PHRF1: variants seen among roughly 807,000 people sequenced by gnomAD.
PHRF1 encodes the protein PHD and RING finger domain-containing protein 1.
A neutral mutation model predicts 128.9 loss-of-function variants in PHRF1; 53 were observed. The ratio of observed to expected loss-of-function variants is 0.41; its 90% CI spans 0.33 to 0.52. The LOEUF (loss-of-function observed/expected upper bound fraction) is 0.52. Ranked by LOEUF, PHRF1 falls within the 20% of genes least tolerant of loss-of-function variation. The pLI, the probability that PHRF1 is intolerant of heterozygous loss-of-function variation, is 0.21. For synonymous variants in PHRF1, 1,178 were observed against 980.6 expected (o/e 1.20, Z -3.76); for missense variants, 2,503 against 2,284.5 (o/e 1.10, Z -1.95).
chr11:579,243 C>T (rs553940916), intron 1 of PHRF1, among the ~76,000 whole-genome samples: 1 of 151,638 alleles, frequency 6.6e-6, no homozygotes, highest in African/African-American at 2.4e-5. Context: ...CTCCTCCCCC[C>T]AGCCCTGCTC....
intron 10 of PHRF1, 97 bp from the exon 11 acceptor site, chr11:605,022 C>A: frequency 8.0e-7 from 1 of 1,251,052 alleles, no homozygotes; most frequent in East Asian, 2.6e-5. Context: ...CTCTAGTGTT[C>A]ACTGTTGCTG....
chr11:609,814 C>G, intron 14 of PHRF1, 94 bp downstream of exon 14: 3 of 786,758 alleles, frequency 3.8e-6, no homozygotes, highest in African/African-American at 2.5e-5. Flanking sequence ...AGTAAGGCCC[C>G]GGCCTCCACC....
intron 1 of PHRF1, among the ~76,000 whole-genome samples, chr11:579,959 A>G (rs1214085460): frequency 2.6e-5 from 4 of 152,176 alleles, no homozygotes; most frequent in African/African-American, 9.7e-5. Flanking sequence ...GCTGACAGCC[A>G]CTTTCCCCCG....
In PHRF1 at chr11:597,654, C is replaced by T. The variant is rs970309436; in HGVS notation, c.894+84C>T. ...CAGTCTGGGTGGGTGGGAGGGGCGT[C>T]GTCGGCACTGTGGGGTCCGCCCGGC... On this transcript the variant is annotated intron_variant, in intron 8 of 17. Transcript: ENST00000264555. This position sits in a 1 kb window ranked among gnomAD's most constrained non-coding sequence, Gnocchi z 6.5. 4.1e-5 allele frequency: 60 copies of T among 1,480,436 alleles called. No homozygotes were observed. The highest frequency in any genetic ancestry group is 4.4e-5 in the Non-Finnish European group (48 of 1,100,998). 91.7% of individuals were successfully genotyped at this position (1,480,436 alleles called of 1,614,324 possible). A position where few individuals can be genotyped will look rare whatever the true frequency, so the allele number is the denominator to read the frequency against.
chr11:581,840 T>C (rs1854222818), intron 2 of PHRF1, 122 bp from the exon 3 acceptor site: 3 of 1,393,218 alleles, frequency 2.2e-6, no homozygotes, highest in South Asian at 1.5e-5. Flanking sequence ...TTGCCGGCCC[T>C]GGGGAAGCCG....
rs777272584 is a variant in PHRF1, at chr11:587,330, G to C, written c.286G>C (p.Ala96Pro). 10 of 1,613,730 alleles carry C rather than the reference G, an allele frequency of 6.2e-6. No homozygotes were observed. The African/African-American group carries it at 1.1e-4, about 17-fold the overall frequency. The change falls in exon 4 of 18, where the codon GCT becomes CCT. Residue 96 changes from alanine (A) to proline (P), a missense_variant. Transcript: ENST00000264555. ...VAGTQGKLEA[A>P]GSFNSDDDAE... ...GGGTACTCAGGGGAAACTGGAAGCCGCTGGCTCTTTCAATTCTGATGATGA... is the reference window on the plus strand; with the variant it reads ...GGGTACTCAGGGGAAACTGGAAGCCCCTGGCTCTTTCAATTCTGATGATGA...
In PHRF1 at chr11:607,358, C is replaced by T. The variant is rs760535659; in HGVS notation, c.1902C>T (p.Gly634=). ...FRQSHSPWFN[G]TNKHTLPLAS... is the part of the protein sequence containing the mutation. ...AGAGCCACAGCCCCTGGTTCAACGG[C>T]ACCAACAAGCACACCTTGCCCCTTG... The change falls in exon 14 of 18, where the codon GGC becomes GGT. Residue 634 remains glycine, a synonymous_variant. Coordinates refer to ENST00000264555, the MANE Select transcript of PHRF1 (RefSeq NM_001286581.2). 1 of 1,612,804 alleles carries T rather than the reference C, an allele frequency of 6.2e-7. No homozygotes were observed. Among genetic ancestry groups the T allele is most frequent in the Non-Finnish European group, 8.5e-7 (1 of 1,179,892 alleles).
At position 581,452 on chromosome 11, in the gene PHRF1, T is replaced by C. The variant is rs756203755; in HGVS notation, c.-21-40T>C. On this transcript the variant is annotated intron_variant, in intron 1 of 17. Coordinates refer to ENST00000264555, the MANE Select transcript of PHRF1 (RefSeq NM_001286581.2). ...ACTCTTCAGAGGGTTCTTTGCAGCC[T>C]GGGACAGTTTGGAAGTTGCTTGGCT... 209 of 1,584,520 alleles carry C rather than the reference T, an allele frequency of 1.3e-4. 1 individual carries two copies. Among genetic ancestry groups the C allele is most frequent in the Non-Finnish European group, 1.0e-4 (119 of 1,156,724 alleles).
rs868659308 is a variant in PHRF1, at chr11:602,761, G to T, written c.1152+1060G>T. 5.8e-4 allele frequency among the ~76,000 whole-genome samples: 79 copies of T among 137,204 alleles called. 2 individuals are homozygous for T. Among genetic ancestry groups the T allele is most frequent in the Middle Eastern group, 3.5e-3 (1 of 284 alleles). 90.0% of individuals were successfully genotyped at this position (137,204 alleles called of 152,430 possible). ...CTGAATCTTTTTTGGTTTTGTTTTT[G>T]TTTTTTTTGTTTTTTTTTTTGAGAT... On this transcript the variant is annotated intron_variant, in intron 10 of 17. Coordinates refer to ENST00000264555, the MANE Select transcript of PHRF1 (RefSeq NM_001286581.2).
intron 4 of PHRF1, among the ~76,000 whole-genome samples, chr11:591,000 G>T (rs1030765657): frequency 1.3e-5 from 2 of 152,190 alleles, no homozygotes; most frequent in Non-Finnish European, 2.9e-5. Flanking sequence ...CCTGCTCCCG[G>T]CCTATGAAAA....
rs1470835763 is a variant in PHRF1 at position 610,154 on chromosome 11, G to A, written c.4265-42G>A. 5 of 1,468,778 alleles carry A rather than the reference G, an allele frequency of 3.4e-6. No homozygotes were observed. In the African/African-American group the frequency reaches 4.3e-5, roughly 13 times the overall value. 91.0% of individuals were successfully genotyped at this position (1,468,778 alleles called of 1,614,324 possible). On this transcript the variant is annotated intron_variant, in intron 14 of 17. Coordinates refer to ENST00000264555, the MANE Select transcript of PHRF1 (RefSeq NM_001286581.2). ...CCATGAAACAGCATTCTGGGCAGGG[G>A]TGGGCACAGAGCACCCACCTCCCTG...
Position 609,373 on chromosome 11 carries a change from A to G in PHRF1, c.3917A>G (p.Lys1306Arg). 6.2e-7 allele frequency: 1 copy of G among 1,611,936 alleles called. No individual in the cohort carries two copies. Among genetic ancestry groups the G allele is most frequent in the South Asian group, 1.1e-5 (1 of 91,088 alleles). ...TCCCCGGAGCGAGACTTCCCACTGA[A>G]GCCTGCGTTGCCCCCAGCCAGCCTG... Reference protein sequence around the residue: ...DSSPERDFPLKPALPPASLAV... With the variant: ...DSSPERDFPLRPALPPASLAV... The change falls in exon 14 of 18, where the codon AAG becomes AGG. Residue 1306 changes from lysine to arginine, a missense_variant. By Grantham distance (26) the Lys-to-Arg change is conservative (BLOSUM62 2). Coordinates refer to ENST00000264555, the MANE Select transcript of PHRF1 (RefSeq NM_001286581.2).
rs755955028 is a variant in PHRF1, at chr11:609,218, G to A, written c.3762G>A (p.Pro1254=). The change falls in exon 14 of 18, where the codon CCG becomes CCA. Residue 1254 remains proline, a synonymous_variant. Coordinates refer to ENST00000264555, the MANE Select transcript of PHRF1 (RefSeq NM_001286581.2). ...TGGAGGTGGCAGCTGAGTGTGAGCC[G>A]GACGACCTGGACCTGGATTATGGCG... is the stretch of plus-strand genomic sequence containing the variant. The part of the protein sequence containing the change: ...PVLEVAAECE[P]DDLDLDYGDS... The A allele has an allele frequency of 1.4e-5, 22 of 1,609,626 alleles. No homozygotes were observed. Among genetic ancestry groups the A allele is most frequent in the East Asian group, 2.2e-5 (1 of 44,888 alleles).
At position 597,119 on chromosome 11, in the gene PHRF1, C is replaced by A. The variant is rs755488327; in HGVS notation, c.718+99C>A. On this transcript the variant is annotated intron_variant, in intron 7 of 17. Transcript: ENST00000264555. The surrounding 1 kb of genome is among the most constrained non-coding windows in gnomAD (Gnocchi z 6.5). ...TTTGGCTGCTGTGTGGGGAGGACAT[C>A]TAGGGCTGTCTCATGGGGGTTAGGG... is the stretch of plus-strand genomic sequence containing the variant. 53 of 1,262,252 alleles carry A rather than the reference C, an allele frequency of 4.2e-5. No homozygotes were observed. The highest frequency in any genetic ancestry group is 5.5e-5 in the Non-Finnish European group (49 of 896,986). The allele number at this position is 1,262,252 out of a possible 1,614,324, so 78.2% of individuals were successfully genotyped here. A position where few individuals can be genotyped will look rare whatever the true frequency, so the allele number is the denominator to read the frequency against.
chr11:576,960 G>C (rs1391938216), intron 1 of PHRF1, among the ~76,000 whole-genome samples: 1 of 151,988 alleles, frequency 6.6e-6, no homozygotes, highest in African/African-American at 2.4e-5. Context: ...GGGCTTGCGA[G>C]GACGCGGCGA....
At chr11:605,014 C>A in intron 10 of PHRF1, 105 bp from the exon 11 acceptor site, 1 of 1,181,260 alleles carries the variant, frequency 8.5e-7, no homozygotes. Context: ...TTTTCCGGCT[C>A]TAGTGTTCAC....
intron 6 of PHRF1, among the ~76,000 whole-genome samples, chr11:596,450 C>T (rs1370099071): frequency 1.3e-5 from 2 of 152,180 alleles, no homozygotes; most frequent in East Asian, 3.9e-4. Flanking sequence ...GAAGGGGGCC[C>T]CACAGGCAGC....
rs374402221 is a variant in PHRF1, at chr11:609,451, C to G, written c.3995C>G (p.Ser1332Trp). ...EVSLMHDEDP[S>W]QPPPLPEGTQ... ...TCATTGATGCACGATGAAGACCCTT[C>G]GCAGCCCCCACCCCTGCCAGAGGGC... The change falls in exon 14 of 18, where the codon TCG becomes TGG. Residue 1332 changes from serine (S) to tryptophan (W), a missense_variant. Coordinates refer to ENST00000264555, the MANE Select transcript of PHRF1 (RefSeq NM_001286581.2). 30 of 1,606,190 alleles carry G rather than the reference C, an allele frequency of 1.9e-5. No homozygotes were observed. In the East Asian group the frequency reaches 4.2e-4, roughly 23 times the overall value.
In PHRF1 at chr11:605,867, C is replaced by T. The variant is rs557172015; in HGVS notation, c.1454+143C>T. ...CCCCTCAGCTGTCATGCTCATCAGT[C>T]GGCCCTTGGCGTGAGGCAGTGCTGC... On this transcript the variant is annotated intron_variant, in intron 12 of 17. Transcript: ENST00000264555. The T allele has an allele frequency of 8.6e-5, 114 of 1,329,064 alleles. No homozygotes were observed. The South Asian group carries it at 1.1e-3, about 13-fold the overall frequency. 82.3% of individuals were successfully genotyped at this position (1,329,064 alleles called of 1,614,324 possible).
Sources: gnomAD v4.1 joint callset for allele counts (sites outside exome capture counted in the v4.1 genomes callset) on GRCh38, gnomAD v4.1.1 for gene constraint, Gnocchi (gnomAD v3.1) non-coding constraint, MANE v1.5 for transcripts, NCBI Gene and HGNC (gene_info 2026-07-23, HGNC 2026-07-21) for gene names.